JAG2: variants seen among roughly 807,000 people sequenced by gnomAD.
The protein encoded by JAG2 is protein jagged-2.
Under a neutral mutation model 141.7 loss-of-function variants are expected in JAG2, and 46 were observed. The observed-to-expected ratio is 0.32, with a 90% CI of 0.26 to 0.42. The LOEUF is 0.42. Ranked by LOEUF, JAG2 falls within the 10% of genes least tolerant of loss-of-function variation. The pLI, the probability that JAG2 is intolerant of heterozygous loss-of-function variation, is 1.00. For synonymous variants in JAG2, 862 were observed against 763.5 expected, an observed-to-expected ratio of 1.13 and a Z score of -2.13; for missense variants, 1,500 against 1,817.5, an observed-to-expected ratio of 0.83 and a Z score of 3.18.
At chr14:105,144,900 C>T in intron 24 of JAG2, 30 bp downstream of exon 24, 1 of 1,594,150 alleles carries the variant, frequency 6.3e-7, no homozygotes. Context: ...CCAGGGCCCA[C>T]CCAGGTGCTG....
chr14:105,148,179 C>T lies in JAG2; in HGVS notation c.2185G>A (p.Asp729Asn), dbSNP rs748663129. ...GCGCAGCGGAAGGTGTCGCCGCTGT[C>T]GTAGCAGGTGCCACCGTTGCTGCAG... ...YTCSNGGTCYDSGDTFRCACP... is the reference protein window; with the variant it reads ...YTCSNGGTCYNSGDTFRCACP... The change falls in exon 17 of 26, where the codon GAC becomes AAC. Residue 729 changes from aspartate to asparagine, a missense_variant. Around this residue, in one of 3 missense-constraint regions of JAG2, gnomAD observed 875 missense variants for 1,202.2 expected, o/e 0.73. Transcript: ENST00000331782. 23 of 1,552,952 alleles carry T rather than the reference C, an allele frequency of 1.5e-5. No individual in the cohort carries two copies. The highest frequency in any genetic ancestry group is 1.4e-5 in the African/African-American group (1 of 73,206).
At chr14:105,151,441 G>C (rs1294472494) in intron 8 of JAG2, 45 bp from the exon 9 acceptor site, 1 of 1,556,736 alleles carries the variant, frequency 6.4e-7, no homozygotes, top group Non-Finnish European at 8.8e-7. Context: ...TGTGAGCCGT[G>C]GGAATAAGGT....
intron 1 of JAG2, 88 bp downstream of exon 1, chr14:105,168,267 G>C: frequency 4.2e-6 from 3 of 710,276 alleles, no homozygotes; most frequent in Non-Finnish European, 5.2e-6. Flanking sequence ...TCCGAACCAC[G>C]GCGGCCCCAG....
At position 105,142,707 on chromosome 14, in the gene JAG2, G is replaced by A. The variant is rs772556531; in HGVS notation, c.3705C>T (p.Ala1235=). ...AVRSINEARY[A]GKE ...CTGGCAGCCGCCCCTACTCCTTGCCGGCGTAGCGGGCCTCATTGATGCTCC... is the reference window on the plus strand; with the variant it reads ...CTGGCAGCCGCCCCTACTCCTTGCCAGCGTAGCGGGCCTCATTGATGCTCC... The change falls in exon 26 of 26, where the codon GCC becomes GCT. Residue 1235 remains alanine, a synonymous_variant. Transcript: ENST00000331782. 22 of 1,600,126 alleles carry A rather than the reference G, an allele frequency of 1.4e-5. No homozygotes were observed. The highest frequency in any genetic ancestry group is 4.5e-5 in the East Asian group (2 of 44,304).
intron 4 of JAG2, 46 bp downstream of exon 4, chr14:105,155,692 G>GCCCGAGGCCCTC: frequency 1.5e-5 from 24 of 1,612,330 alleles, no homozygotes; most frequent in Non-Finnish European, 2.0e-5. Context: ...CCGGGGCCCT[G>GCCCGAGGCCCTC]CCCGAGGCCC....
rs769090413 is a variant in JAG2 at position 105,152,261 on chromosome 14, G to A, written c.819C>T (p.Cys273=). 1.3e-5 allele frequency: 21 copies of A among 1,613,098 alleles called. No homozygotes were observed. The highest frequency in any genetic ancestry group is 6.7e-5 in the East Asian group (3 of 44,894). ...RCSYGWQGRF[C]DECVPYPGCV... Reference sequence around the variant, plus strand: ...AGCCGGGGTAGGGGACACACTCATCGCAGAACCTCCCTTGCCAGCCGTAGC... The same window carrying A: ...AGCCGGGGTAGGGGACACACTCATCACAGAACCTCCCTTGCCAGCCGTAGC... The change falls in exon 6 of 26, where the codon TGC becomes TGT. Residue 273 remains cysteine (C), a synonymous_variant. Coordinates refer to ENST00000331782, the MANE Select transcript of JAG2 (RefSeq NM_002226.5).
Position 105,151,263 on chromosome 14 carries a change from C to T in JAG2, c.1267+20G>A, listed in dbSNP as rs374425230. On this transcript the variant is annotated intron_variant, in intron 9 of 25. Transcript: ENST00000331782. ...CGCATGCGCGGCCCACGTTCCCATG[C>T]ACTCGCTCGGAGCCCTTACCCAGCT... The T allele has an allele frequency of 3.3e-5, 53 of 1,604,054 alleles. No homozygotes were observed. Among genetic ancestry groups the T allele is most frequent in the African/African-American group, 2.5e-4 (19 of 74,724 alleles).
At position 105,167,810 on chromosome 14, in the gene JAG2, C is replaced by T. The variant is rs1013457771; in HGVS notation, c.364G>A (p.Gly122Ser). 68 of 1,463,972 alleles carry T rather than the reference C, an allele frequency of 4.6e-5. No homozygotes were observed. The Admixed American group carries it at 1.4e-3, about 31-fold the overall frequency. The allele number at this position is 1,463,972 out of a possible 1,614,324, so 90.7% of individuals were successfully genotyped here. A position where few individuals can be genotyped will look rare whatever the true frequency, so the allele number is the denominator to read the frequency against. ...ACGAGGCCCGGGTCCTGGTCGCCGC[C>T]GGCCCGGGCCCGCGCCCGCGCTCGG... ...GDRARARARA[G>S]GDQDPGLVVI... The change falls in exon 2 of 26, where the codon GGC becomes AGC. Residue 122 changes from glycine (G) to serine (S), a missense_variant. Transcript: ENST00000331782. This position sits in a 1 kb window ranked among gnomAD's most constrained non-coding sequence, Gnocchi z 4.8.
chr14:105,147,162 C>A, intron 20 of JAG2, 164 bp downstream of exon 20: 1 of 675,956 alleles, frequency 1.5e-6, no homozygotes, highest in South Asian at 1.7e-5. Flanking sequence ...ACAGCAGGAA[C>A]CCCACAGGGC....
At position 105,148,820 on chromosome 14, in the gene JAG2, C is replaced by A; in HGVS notation, c.1945G>T (p.Gly649Cys). The A allele has an allele frequency of 6.3e-7, 1 of 1,598,960 alleles. No homozygotes were observed. The highest frequency in any genetic ancestry group is 2.3e-5 in the East Asian group (1 of 44,332). The change falls in exon 15 of 26, where the codon GGC (glycine) becomes TGC (cysteine). Residue 649 changes from glycine (G) to cysteine (C), a missense_variant. This residue lies in a region of JAG2 where 875 missense variants were observed against 1,202.2 expected (regional missense o/e 0.73). Coordinates refer to ENST00000331782, the MANE Select transcript of JAG2 (RefSeq NM_002226.5). Reference sequence around the variant, plus strand: ...GCGTCCACCTCATCGATGCATGTGCCCCCATTGCGGCAGGGCTGGCCCAGG... The same window carrying A: ...GCGTCCACCTCATCGATGCATGTGCACCCATTGCGGCAGGGCTGGCCCAGG... ...DCLGQPCRNGGTCIDEVDAFR... is the reference protein window; with the variant it reads ...DCLGQPCRNGCTCIDEVDAFR...
chr14:105,155,982 C>T lies in JAG2; in HGVS notation c.483G>A (p.Leu161=), dbSNP rs1436835802. The change falls in exon 4 of 26, where the codon CTG becomes CTA. Residue 161 remains leucine (L), a synonymous_variant. Transcript: ENST00000331782. Reference sequence around the variant, plus strand: ...CGGCATGCGACACTCGCTCGATCAGCAGCTCCTCTTGGGGAGGCGGCAGAG... The same window carrying T: ...CGGCATGCGACACTCGCTCGATCAGTAGCTCCTCTTGGGGAGGCGGCAGAG... The part of the protein sequence containing the change: ...WDNDTTPNEE[L]LIERVSHAGM... 6.2e-7 allele frequency: 1 copy of T among 1,604,714 alleles called. No individual in the cohort carries two copies. Among genetic ancestry groups the T allele is most frequent in the South Asian group, 1.1e-5 (1 of 91,040 alleles).
intron 20 of JAG2, 180 bp downstream of exon 20, chr14:105,147,145 AG>A: frequency 1.5e-6 from 1 of 646,514 alleles, no homozygotes. Flanking sequence ...ATCACTTGGC[AG>A]GGTATACAGC....
chr14:105,156,235 C>A (rs1029695963), intron 3 of JAG2, among the ~76,000 whole-genome samples: 1 of 152,290 alleles, frequency 6.6e-6, no homozygotes, highest in Admixed American at 6.5e-5. Context: ...TCGGGGGGCC[C>A]GGCTAGGGGC....
chr14:105,156,106 G>A, intron 3 of JAG2, 117 bp from the exon 4 acceptor site: 3 of 1,344,450 alleles, frequency 2.2e-6, no homozygotes, highest in Non-Finnish European at 1.0e-6. Flanking sequence ...GGCACAGCAG[G>A]CAGCAGCACA....
At chr14:105,158,725 T>G (rs991601265) in intron 2 of JAG2, among the ~76,000 whole-genome samples, 3 of 152,000 alleles carry the variant, frequency 2.0e-5, no homozygotes, top group Non-Finnish European at 4.4e-5. Flanking sequence ...TCTTGACCCC[T>G]GAGCCCAGCC....
rs1888414564 is a variant in JAG2, at chr14:105,151,186, A to AGCAGCCCCAGCAGCCCCC, written c.1268-83_1268-82insGGGGGCTGCTGGGGCTGC. 4.3e-6 allele frequency: 6 copies of AGCAGCCCCAGCAGCCCCC among 1,403,396 alleles called. No individual in the cohort carries two copies. The African/African-American group carries it at 7.8e-5, about 18-fold the overall frequency. The allele number at this position is 1,403,396 out of a possible 1,614,324, so 86.9% of individuals were successfully genotyped here. A position where few individuals can be genotyped will look rare whatever the true frequency, so the allele number is the denominator to read the frequency against. On this transcript the variant is annotated intron_variant, in intron 9 of 25. Transcript: ENST00000331782. The stretch of plus-strand genomic sequence containing the variant: ...CACGGGCACCTGGCACCCGCAGCCC[A>AGCAGCCCCAGCAGCCCCC]GCAGCCCCAGCAGCCCCAGCAGCCC...
chr14:105,150,968 C>A (rs373113193), intron 10 of JAG2, 23 bp downstream of exon 10: 1 of 1,605,514 alleles, frequency 6.2e-7, no homozygotes, highest in East Asian at 2.2e-5. Flanking sequence ...GCCCACCCGC[C>A]GGCGCCCACC....
At position 105,151,729 on chromosome 14, in the gene JAG2, G is replaced by C. The variant is rs1888438694; in HGVS notation, c.1050C>G (p.Ala350=). Residue 350 remains alanine (A), a synonymous_variant, in exon 8 of 26, where the codon GCC becomes GCG. Coordinates refer to ENST00000331782, the MANE Select transcript of JAG2 (RefSeq NM_002226.5). ...SGRNCEKAEH[A]CTSNPCANGG... ...CGTTGGCACACGGGTTGGAGGTGCA[G>C]GCGTGCTCAGCTGTAGAACCGCGGG... The C allele has an allele frequency of 1.9e-6, 3 of 1,609,698 alleles. No homozygotes were observed. The highest frequency in any genetic ancestry group is 2.5e-6 in the Non-Finnish European group (3 of 1,178,734).
chr14:105,162,115 A>T (rs1044172770), intron 2 of JAG2, among the ~76,000 whole-genome samples: 15 of 152,150 alleles, frequency 9.9e-5, no homozygotes, highest in Non-Finnish European at 1.5e-5. Flanking sequence ...GACAGGTGAG[A>T]GACCCATCAC....
Sources: allele counts gnomAD v4.1 joint callset (sites outside exome capture counted in the v4.1 genomes callset), GRCh38; gene constraint gnomAD v4.1.1; regional missense constraint gnomAD v4.1.1; non-coding constraint Gnocchi (gnomAD v3.1); transcripts MANE v1.5; gene names NCBI Gene and HGNC (gene_info 2026-07-23, HGNC 2026-07-21).